The following PSD3 variants were observed in gnomAD, a reference collection of about 807,000 sequenced individuals.
The protein encoded by PSD3 is PH and SEC7 domain-containing protein 3.
Under a neutral mutation model 105.5 loss-of-function variants are expected in PSD3, and 49 were observed. That is an observed-to-expected ratio of 0.46 (90% CI 0.37 to 0.59). The LOEUF (loss-of-function observed/expected upper bound fraction) is 0.59. PSD3 is among the 20% of genes least tolerant of loss of function. The probability of loss-of-function intolerance (pLI) is 0.00; values close to 1 mark genes in which losing one functional copy is unlikely to be tolerated. For synonymous variants in PSD3, 557 were observed against 457.8 expected, an observed-to-expected ratio of 1.22 and a Z score of -2.77; for missense variants, 1,561 against 1,263.8, an observed-to-expected ratio of 1.24 and a Z score of -3.57.
chr8:18,793,417 G>T (rs1809926076), intron 8 of PSD3, among the ~76,000 whole-genome samples: 1 of 147,784 alleles, frequency 6.8e-6, no homozygotes, highest in African/African-American at 2.5e-5. Context: ...GATCTGTGCA[G>T]CAAACCACGT....
chr8:18,638,618 T>C (rs532500927), intron 10 of PSD3, among the ~76,000 whole-genome samples: 42 of 151,742 alleles, frequency 2.8e-4, no homozygotes, highest in Middle Eastern at 3.4e-3. Context: ...CCGTAAAACA[T>C]TGAAAAATTC....
chr8:19,024,187 G>A (rs1474037075), intron 1 of PSD3, among the ~76,000 whole-genome samples: 9 of 152,178 alleles, frequency 5.9e-5, no homozygotes, highest in Non-Finnish European at 5.9e-5. Context: ...ATCAAAGGGG[G>A]ATTCCATAGA....
chr8:19,002,246 C>G (rs990727005), intron 1 of PSD3, among the ~76,000 whole-genome samples: 1 of 151,960 alleles, frequency 6.6e-6, no homozygotes, highest in Admixed American at 6.6e-5. Context: ...ATGGAACTTT[C>G]CCAGCCTAAA....
At chr8:19,035,080 G>A (rs917896347) in intron 1 of PSD3, among the ~76,000 whole-genome samples, 1 of 152,144 alleles carries the variant, frequency 6.6e-6, no homozygotes, top group Non-Finnish European at 1.5e-5. Flanking sequence ...ATCAGATTCA[G>A]TAAAGGAAAA....
chr8:18,808,568 C>G (rs190355688), intron 4 of PSD3, among the ~76,000 whole-genome samples: 26 of 152,258 alleles, frequency 1.7e-4, no homozygotes, highest in Non-Finnish European at 3.4e-4. Flanking sequence ...AATCTGTGTG[C>G]ATCAGACTTT....
At chr8:18,766,295 C>A (rs1235370324) in intron 8 of PSD3, among the ~76,000 whole-genome samples, 2 of 152,192 alleles carry the variant, frequency 1.3e-5, no homozygotes, top group Non-Finnish European at 2.9e-5. Flanking sequence ...GACTGCACTA[C>A]TACACTCCAG....
chr8:18,566,419 G>C (rs577981885), intron 14 of PSD3, among the ~76,000 whole-genome samples: 1 of 151,450 alleles, frequency 6.6e-6, no homozygotes, highest in African/African-American at 2.4e-5. Context: ...CCAGCTACTC[G>C]AGAGGCTGAG....
chr8:18,920,431 G>C (rs527314835), intron 2 of PSD3, among the ~76,000 whole-genome samples: 1 of 152,214 alleles, frequency 6.6e-6, no homozygotes, highest in African/African-American at 2.4e-5. Flanking sequence ...AGCAAGGTTC[G>C]AGTGTGGACA....
chr8:18,817,912 AC>A (rs1812347662), intron 4 of PSD3, among the ~76,000 whole-genome samples: 1 of 152,044 alleles, frequency 6.6e-6, no homozygotes, highest in Non-Finnish European at 1.5e-5. Flanking sequence ...GAAAACTAAA[AC>A]CATGATTACT....
intron 12 of PSD3, among the ~76,000 whole-genome samples, chr8:18,581,743 C>T (rs1410860236): frequency 6.6e-6 from 1 of 152,228 alleles, no homozygotes; most frequent in Non-Finnish European, 1.5e-5. Flanking sequence ...CTGGTCTTCT[C>T]ATCCACACTG....
chr8:18,865,253 TATATATATATATATATATATATATATATA>T (rs1816778449), intron 4 of PSD3: 4 of 3,344 alleles, frequency 1.2e-3, no homozygotes, highest in Admixed American at 2.4e-3. Flanking sequence ...TATATATATA[TATATATATATATATATATATATATATATA>T]TATATTTTTT....
intron 1 of PSD3, among the ~76,000 whole-genome samples, chr8:18,975,981 T>C (rs545909297): frequency 2.6e-5 from 4 of 152,318 alleles, no homozygotes; most frequent in African/African-American, 9.6e-5. Context: ...AAAATGTATA[T>C]TCCCTTCCAT....
At chr8:18,916,377 CA>C (rs35084673) in intron 2 of PSD3, among the ~76,000 whole-genome samples, 612 of 42,422 alleles carry the variant, frequency 0.014, 25 homozygotes, top group African/African-American at 0.046. Context: ...CACACACACA[CA>C]AACAGAATAC....
At chr8:18,871,299 T>C (rs1030234439) in intron 3 of PSD3, among the ~76,000 whole-genome samples, 3 of 152,194 alleles carry the variant, frequency 2.0e-5, no homozygotes, top group African/African-American at 7.2e-5. Context: ...GGTATGTTAG[T>C]TACCTTGACG....
At chr8:19,056,954 T>G (rs1245790315) in intron 1 of PSD3, among the ~76,000 whole-genome samples, 1 of 152,120 alleles carries the variant, frequency 6.6e-6, no homozygotes, top group African/African-American at 2.4e-5. Flanking sequence ...ATTAAGAAAA[T>G]AGAAGCTGTC....
At chr8:18,883,643 A>T (rs1818264637) in intron 2 of PSD3, among the ~76,000 whole-genome samples, 1 of 152,222 alleles carries the variant, frequency 6.6e-6, no homozygotes, top group South Asian at 2.1e-4. Context: ...GGGAAGGGTA[A>T]GGACTTTCCA....
chr8:19,015,484 G>A (rs966393528), upstream of PSD3, among the ~76,000 whole-genome samples: 1 of 152,150 alleles, frequency 6.6e-6, no homozygotes, highest in East Asian at 1.9e-4. Flanking sequence ...GTCAACTCCT[G>A]CCTTCCTTGA....
intron 11 of PSD3, among the ~76,000 whole-genome samples, chr8:18,604,559 T>C (rs1269639169): frequency 6.6e-6 from 1 of 151,680 alleles, no homozygotes; most frequent in African/African-American, 2.4e-5. Context: ...AAAAGGCCTA[T>C]TTTCAGAAGA....
intron 1 of PSD3, among the ~76,000 whole-genome samples, chr8:19,034,453 T>C (rs766800349): frequency 7.9e-5 from 12 of 152,208 alleles, no homozygotes; most frequent in Non-Finnish European, 1.3e-4. Flanking sequence ...CAGTTTCTGC[T>C]TCATTACTTC....
Sources: gnomAD v4.1 joint callset for allele counts (sites outside exome capture counted in the v4.1 genomes callset) on GRCh38, gnomAD v4.1.1 for gene constraint, MANE v1.5 for transcripts, NCBI Gene and HGNC (gene_info 2026-07-23, HGNC 2026-07-21) for gene names.